Variants in SCUBE2 observed in about 807,000 individuals in gnomAD.
The protein encoded by SCUBE2 is signal peptide, CUB domain and EGF like domain containing 2, also known as signal peptide, CUB and EGF-like domain-containing protein 2.
SCUBE2 carries 114 observed loss-of-function variants against 125.9 expected under a neutral mutation model. That is an observed-to-expected ratio of 0.91 (90% CI 0.78 to 1.06). The LOEUF (loss-of-function observed/expected upper bound fraction) is 1.06, where lower values mean the gene tolerates loss of function less well. Ranked by LOEUF, SCUBE2 falls within the 50% of genes least tolerant of loss-of-function variation. The probability of loss-of-function intolerance (pLI) is 0.00; values close to 1 mark genes in which losing one functional copy is unlikely to be tolerated. For missense variants in SCUBE2, 1,255 were observed against 1,301.8 expected (o/e 0.96, Z 0.55); for synonymous variants, 459 against 492.9 (o/e 0.93, Z 0.91).
At chr11:9,054,705 A>C (rs1317269679) in intron 10 of SCUBE2, among the ~76,000 whole-genome samples, 1 of 52,666 alleles carries the variant, frequency 1.9e-5, no homozygotes, top group African/African-American at 1.0e-4. Context: ...ACTAGTGTAT[A>C]TATATATATA....
At chr11:9,023,886 C>G (rs935501990) in intron 21 of SCUBE2, among the ~76,000 whole-genome samples, 7 of 152,192 alleles carry the variant, frequency 4.6e-5, no homozygotes, top group Non-Finnish European at 5.9e-5. Context: ...CTACAGTTCT[C>G]ACCGTTGTCC....
chr11:9,063,272 T>G (rs1339412751), intron 7 of SCUBE2, among the ~76,000 whole-genome samples: 2 of 151,882 alleles, frequency 1.3e-5, no homozygotes. Flanking sequence ...AAGAAATTTA[T>G]CAAAGAAAAG....
chr11:9,066,459 G>T (rs747875486), intron 6 of SCUBE2, among the ~76,000 whole-genome samples: 1 of 152,200 alleles, frequency 6.6e-6, no homozygotes, highest in Non-Finnish European at 1.5e-5. Flanking sequence ...GAATACCAGC[G>T]TTAGGAGCAG....
chr11:9,027,149 A>G lies in SCUBE2; in HGVS notation c.2701+215T>C, dbSNP rs905275457. 2.3e-5 allele frequency: 13 copies of G among 573,758 alleles called. No individual in the cohort carries two copies. The Admixed American group carries it at 3.6e-4, about 16-fold the overall frequency. The allele number at this position is 573,758 out of a possible 1,614,324, so 35.5% of individuals were successfully genotyped here. On this transcript the variant is annotated intron_variant, in intron 20 of 22. Transcript: ENST00000649792. ...CCAGTGAGCACAGAGGGGAAGACTG[A>G]CCTGCAGGATCACTACCTCTGGGGC...
In SCUBE2 at chr11:9,047,470, ACT is replaced by A; in HGVS notation, c.1886_1887del (p.Gln629LeufsTer14). ...RTLRKAVHRE[Q>X]FHLQLSGMNL... ...TTCATGCCTGAGAGCTGGAGGTGAA[ACT>A]GCTCCCTGTGGACGGCCTTTCTGAG... On this transcript the variant is annotated frameshift_variant, in exon 16 of 23. Coordinates refer to ENST00000649792, the MANE Select transcript of SCUBE2 (RefSeq NM_001367977.2). LOFTEE classifies it high-confidence loss of function. The A allele has an allele frequency of 6.2e-7, 1 of 1,613,536 alleles. No homozygotes were observed. The highest frequency in any genetic ancestry group is 8.5e-7 in the Non-Finnish European group (1 of 1,179,966).
intron 21 of SCUBE2, chr11:9,024,193 G>A (rs1167075976): frequency 9.4e-7 from 1 of 1,063,088 alleles, no homozygotes; most frequent in Non-Finnish European, 1.1e-6. Context: ...ATTTTCATGT[G>A]TCACAAAGGC....
intron 14 of SCUBE2, among the ~76,000 whole-genome samples, chr11:9,049,091 T>A (rs915930828): frequency 6.6e-6 from 1 of 152,208 alleles, no homozygotes; most frequent in African/African-American, 2.4e-5. Context: ...AATAAGTAGA[T>A]TTATAGAAAA....
chr11:9,074,990 C>T (rs1014379241), intron 3 of SCUBE2, among the ~76,000 whole-genome samples: 3 of 151,990 alleles, frequency 2.0e-5, no homozygotes, highest in African/African-American at 4.8e-5. Flanking sequence ...CTGAGGCAGG[C>T]GGATCACCTG....
intron 3 of SCUBE2, among the ~76,000 whole-genome samples, chr11:9,078,473 G>A (rs1030119062): frequency 6.6e-6 from 1 of 152,182 alleles, no homozygotes; most frequent in Non-Finnish European, 1.5e-5. Flanking sequence ...CAACACACAA[G>A]TTCTGTCTGG....
chr11:9,064,654 G>A (rs1356354167), intron 7 of SCUBE2: 2 of 152,084 alleles, frequency 1.3e-5, no homozygotes, highest in Non-Finnish European at 2.9e-5. Flanking sequence ...TTCATTACAA[G>A]CCTAGAAGTA....
At chr11:9,024,474 G>A in intron 21 of SCUBE2, 2 of 1,188,346 alleles carry the variant, frequency 1.7e-6, no homozygotes, top group Non-Finnish European at 2.2e-6. Context: ...ATAGAATATT[G>A]TCTTCCCAAA....
intron 21 of SCUBE2, chr11:9,022,790 T>C (rs4910442): frequency 0.31 from 47,871 of 152,206 alleles, 9,314 homozygotes; most frequent in Non-Finnish European, 0.42. Flanking sequence ...GGCTTAGTCC[T>C]TGGTCTTCTC....
intron 16 of SCUBE2, among the ~76,000 whole-genome samples, chr11:9,040,286 A>C (rs79819656): frequency 0.093 from 13,735 of 147,838 alleles, 779 homozygotes; most frequent in East Asian, 0.21. Flanking sequence ...ATAAAATAAA[A>C]CAATTATCAC....
Position 9,053,631 on chromosome 11 carries a change from C to T in SCUBE2, c.1330+6G>A. ...CTGTCTGAGTCTGTGCCTCGGTTCC[C>T]CTTACCCACACAGTCTTTTTTATTC... On this transcript the variant is annotated splice_donor_region_variant and intron_variant, in intron 11 of 22. Transcript: ENST00000649792. The T allele has an allele frequency of 6.2e-7, 1 of 1,613,800 alleles. No homozygotes were observed. The highest frequency in any genetic ancestry group is 1.1e-5 in the South Asian group (1 of 91,030).
At chr11:9,027,249 C>A in intron 20 of SCUBE2, 115 bp downstream of exon 20, 1 of 954,358 alleles carries the variant, frequency 1.0e-6, no homozygotes, top group Non-Finnish European at 1.6e-6. Flanking sequence ...ATGTTCACCT[C>A]TGCTCTAATA....
At chr11:9,077,699 C>G (rs553573802) in intron 3 of SCUBE2, among the ~76,000 whole-genome samples, 2 of 152,306 alleles carry the variant, frequency 1.3e-5, no homozygotes, top group East Asian at 3.9e-4. Flanking sequence ...TTTCTTGTGC[C>G]TTCCTTTTAA....
rs532579250 is a variant in SCUBE2 at position 9,065,889 on chromosome 11, A to C, written c.850+2T>G. The C allele has an allele frequency of 6.2e-7, 1 of 1,613,406 alleles. No individual in the cohort carries two copies. Among genetic ancestry groups the C allele is most frequent in the Non-Finnish European group, 8.5e-7 (1 of 1,179,402 alleles). On this transcript the variant is annotated splice_donor_variant, in intron 7 of 22. Coordinates refer to ENST00000649792, the MANE Select transcript of SCUBE2 (RefSeq NM_001367977.2). LOFTEE classifies it high-confidence loss of function. ...CCAAGGAAAGGGAGTGAAGGTGCCT[A>C]CCCATGAGCAGCCGCCGTTTCACCC...
rs138410305 is a variant in SCUBE2, at chr11:9,080,910, C to T, written c.257-1401G>A. On this transcript the variant is annotated intron_variant, in intron 2 of 22. Transcript: ENST00000649792. ...ACAACTCAATAAGAAGATAAACAGC[C>T]TAATTTTAAAATGGGCGAAATATTC... Among the ~76,000 whole-genome samples the T allele has an allele frequency of 5.3e-5, 8 of 152,014 alleles. No homozygotes were observed. The East Asian group carries it at 1.5e-3, about 29-fold the overall frequency.
intron 14 of SCUBE2, chr11:9,050,404 C>T (rs1566198631): frequency 1.7e-6 from 1 of 576,486 alleles, no homozygotes; most frequent in East Asian, 2.9e-5. Flanking sequence ...GAAGTGTGAC[C>T]CCAGAACTAT....
Sources: allele counts gnomAD v4.1 joint callset (sites outside exome capture counted in the v4.1 genomes callset), GRCh38; gene constraint gnomAD v4.1.1; transcripts MANE v1.5; gene names NCBI Gene and HGNC (gene_info 2026-07-23, HGNC 2026-07-21).